The following ARHGEF33 variants were observed in gnomAD, a reference collection of about 807,000 sequenced individuals.
ARHGEF33 encodes the protein Rho guanine nucleotide exchange factor 33, also known as DH and coiled-coil domain-containing protein ENSP00000381780.
Under a neutral mutation model 101.9 loss-of-function variants are expected in ARHGEF33, and 72 were observed. The observed-to-expected ratio is 0.71, with a 90% CI of 0.58 to 0.86. The LOEUF is 0.86. ARHGEF33 is among the 40% of genes least tolerant of loss of function. ARHGEF33 has a pLI of 0.00. For missense variants in ARHGEF33, 1,169 were observed against 1,111.3 expected, an observed-to-expected ratio of 1.05 and a Z score of -0.74; for synonymous variants, 499 against 442.5, an observed-to-expected ratio of 1.13 and a Z score of -1.60.
At chr2:38,961,779 A>G (rs1452154023) in intron 16 of ARHGEF33, among the ~76,000 whole-genome samples, 3 of 152,012 alleles carry the variant, frequency 2.0e-5, no homozygotes, top group African/African-American at 7.3e-5. Context: ...TGGGAAGGAT[A>G]TTTAAAACCT....
At chr2:38,966,229 G>A (rs1470219440) in intron 17 of ARHGEF33, 84 bp downstream of exon 17, 1 of 1,476,858 alleles carries the variant, frequency 6.8e-7, no homozygotes. Context: ...TAAGTATCAA[G>A]TAGCCTGGTC....
In ARHGEF33 at chr2:38,928,893, C is replaced by T. The variant is rs949473588; in HGVS notation, c.76-14C>T. 4.4e-5 allele frequency: 68 copies of T among 1,536,500 alleles called. No individual in the cohort carries two copies. Among genetic ancestry groups the T allele is most frequent in the Non-Finnish European group, 5.9e-5 (67 of 1,141,300 alleles). On this transcript the variant is annotated splice_polypyrimidine_tract_variant and intron_variant, in intron 4 of 17. Transcript: ENST00000409978. Reference sequence around the variant, plus strand: ...TTTCCAGCAAATTGAATTAACTTTTCATGCATTATTTAGTTGCAGGCCCTA... The same window carrying T: ...TTTCCAGCAAATTGAATTAACTTTTTATGCATTATTTAGTTGCAGGCCCTA...
chr2:38,938,855 T>C (rs1400062102), intron 9 of ARHGEF33, among the ~76,000 whole-genome samples: 2 of 152,252 alleles, frequency 1.3e-5, no homozygotes, highest in African/African-American at 2.4e-5. Context: ...GTCTGGCCTC[T>C]TTCTCCCAAC....
chr2:38,967,314 A>G (rs530690197), intron 17 of ARHGEF33, among the ~76,000 whole-genome samples: 4 of 152,206 alleles, frequency 2.6e-5, no homozygotes, highest in African/African-American at 9.7e-5. Flanking sequence ...AGAAGGGGGA[A>G]GAGGAAGGAA....
chr2:38,896,716 T>G (rs1666131309), intron 2 of ARHGEF33, among the ~76,000 whole-genome samples: 1 of 152,206 alleles, frequency 6.6e-6, no homozygotes, highest in Non-Finnish European at 1.5e-5. Flanking sequence ...AGTCTCATAA[T>G]TTAAAACATT....
chr2:38,913,998 T>C (rs1666573509), intron 2 of ARHGEF33, among the ~76,000 whole-genome samples: 1 of 151,962 alleles, frequency 6.6e-6, no homozygotes, highest in African/African-American at 2.4e-5. Flanking sequence ...TTATAGTAAG[T>C]ATACGATATA....
At position 38,951,136 on chromosome 2, in the gene ARHGEF33, G is replaced by A. The variant is rs1197111034; in HGVS notation, c.1053+15G>A. 6.4e-7 allele frequency: 1 copy of A among 1,550,748 alleles called. No homozygotes were observed. Among genetic ancestry groups the A allele is most frequent in the Admixed American group, 2.0e-5 (1 of 50,930 alleles). On this transcript the variant is annotated intron_variant, in intron 11 of 17. Transcript: ENST00000409978. The stretch of plus-strand genomic sequence containing the variant: ...CAAATGACGAGGTAAGGTTTTTTCT[G>A]CCCCTCTATACATTTTACTTATACG...
At chr2:38,914,097 C>T (rs1666575427) in intron 2 of ARHGEF33, among the ~76,000 whole-genome samples, 2 of 152,206 alleles carry the variant, frequency 1.3e-5, no homozygotes, top group South Asian at 4.1e-4. Flanking sequence ...AAAATGTTAA[C>T]ATCCACTATT....
chr2:38,971,700 A>C (rs1303718359), intron 17 of ARHGEF33, among the ~76,000 whole-genome samples: 1 of 152,206 alleles, frequency 6.6e-6, no homozygotes, highest in African/African-American at 2.4e-5. Context: ...CTGGATTTTG[A>C]AAAGGATGAG....
intron 11 of ARHGEF33, among the ~76,000 whole-genome samples, chr2:38,952,389 A>G (rs1012325763): frequency 1.3e-5 from 2 of 152,210 alleles, no homozygotes; most frequent in Non-Finnish European, 1.5e-5. Context: ...GGGATAATGC[A>G]TAGATAAATA....
chr2:38,968,733 G>A (rs1464755963), intron 17 of ARHGEF33, among the ~76,000 whole-genome samples: 2 of 152,208 alleles, frequency 1.3e-5, no homozygotes, highest in South Asian at 4.1e-4. Flanking sequence ...TGTTGTCTGA[G>A]TGGAAGTAAA....
chr2:38,912,009 C>T (rs1666519098), intron 2 of ARHGEF33, among the ~76,000 whole-genome samples: 1 of 152,224 alleles, frequency 6.6e-6, no homozygotes, highest in Non-Finnish European at 1.5e-5. Flanking sequence ...CTTCCTCTCT[C>T]CACTCAAGAC....
chr2:38,937,511 G>T lies in ARHGEF33; in HGVS notation c.742G>T (p.Gly248Cys). The T allele has an allele frequency of 6.4e-7, 1 of 1,550,774 alleles. No individual in the cohort carries two copies. Among genetic ancestry groups the T allele is most frequent in the Non-Finnish European group, 8.7e-7 (1 of 1,146,592 alleles). Residue 248 changes from glycine to cysteine, a missense_variant, in exon 9 of 18, where the codon GGT becomes TGT. Coordinates refer to ENST00000409978, the MANE Select transcript of ARHGEF33 (RefSeq NM_001145451.5). The stretch of plus-strand genomic sequence containing the variant: ...AGATAAACTCAAGGAGGCTGGCCAG[G>T]GTAGACACAGCTCCTTGGAAAACGT... ...HPDKLKEAGQ[G>C]RHSSLENVLC...
chr2:38,910,058 C>T (rs548202473), intron 2 of ARHGEF33, among the ~76,000 whole-genome samples: 1 of 152,026 alleles, frequency 6.6e-6, no homozygotes, highest in Admixed American at 6.6e-5. Flanking sequence ...TACATGTATT[C>T]TATCTATAGC....
chr2:38,971,942 C>T, intron 17 of ARHGEF33: 1 of 718,526 alleles, frequency 1.4e-6, no homozygotes, highest in East Asian at 2.7e-5. Context: ...TTCCTATTTT[C>T]AGGTAAACAC....
chr2:38,898,644 C>G (rs887059823), intron 2 of ARHGEF33, among the ~76,000 whole-genome samples: 1 of 152,174 alleles, frequency 6.6e-6, no homozygotes, highest in Non-Finnish European at 1.5e-5. Flanking sequence ...TGATTCATTT[C>G]TATTTGGCTA....
At chr2:38,905,126 C>G (rs188205671) in intron 2 of ARHGEF33, among the ~76,000 whole-genome samples, 1 of 151,874 alleles carries the variant, frequency 6.6e-6, no homozygotes, top group East Asian at 1.9e-4. Context: ...ATGGAACAGC[C>G]CAGTGACATT....
chr2:38,955,727 A>G (rs930406350), intron 13 of ARHGEF33, among the ~76,000 whole-genome samples: 6 of 151,510 alleles, frequency 4.0e-5, no homozygotes, highest in African/African-American at 1.5e-4. Flanking sequence ...CCCAGGCTGG[A>G]GTGCAGTGGC....
intron 2 of ARHGEF33, among the ~76,000 whole-genome samples, chr2:38,896,375 T>G (rs1666122825): frequency 6.6e-6 from 1 of 152,218 alleles, no homozygotes; most frequent in Non-Finnish European, 1.5e-5. Flanking sequence ...TGACTTCAAG[T>G]GATCTACCTG....
Sources: allele counts gnomAD v4.1 joint callset (sites outside exome capture counted in the v4.1 genomes callset), GRCh38; gene constraint gnomAD v4.1.1; transcripts MANE v1.5; gene names NCBI Gene and HGNC (gene_info 2026-07-23, HGNC 2026-07-21).